Variants in RAB17 observed in about 807,000 individuals in gnomAD.
RAB17 encodes the protein ras-related protein Rab-17.
In RAB17, 15 loss-of-function variants were observed where a neutral mutation model predicts 19.3. The observed-to-expected ratio is 0.78, with a 90% confidence interval of 0.52 to 1.20. RAB17 has a LOEUF of 1.20. RAB17 is among the 50% of genes most tolerant of loss of function. The pLI, the probability that RAB17 is intolerant of heterozygous loss-of-function variation, is 0.00. For missense variants in RAB17, 262 were observed against 269.3 expected (o/e 0.97, Z 0.19); for synonymous variants, 110 against 112.8 (o/e 0.97, Z 0.16).
intron 3 of RAB17, 138 bp from the exon 4 acceptor site, chr2:237,577,520 G>C: frequency 2.0e-6 from 2 of 1,005,564 alleles, no homozygotes; most frequent in Non-Finnish European, 1.4e-6. Context: ...GCACCTGCAG[G>C]GCTGCTCCGT....
chr2:237,574,426 ACT>A lies in RAB17; in HGVS notation c.*591_*592del, dbSNP rs1269412888. The A allele has an allele frequency of 1.3e-5, 20 of 1,548,452 alleles. No homozygotes were observed. The highest frequency in any genetic ancestry group is 1.7e-5 in the Non-Finnish European group (20 of 1,145,636). ...GAATCTTCCTGCTCATTGGACAGAA[ACT>A]CAGCTTCACCACATTGCCAGCCGGG... On this transcript the variant is annotated 3_prime_UTR_variant, in exon 6 of 6. Transcript: ENST00000264601.
At position 237,582,917 on chromosome 2, in the gene RAB17, G is replaced by A. The variant is rs563330724; in HGVS notation, c.157+3081C>T. On this transcript the variant is annotated intron_variant, in intron 2 of 5. Coordinates refer to ENST00000264601, the MANE Select transcript of RAB17 (RefSeq NM_022449.4). ...AGGTCAGGAGTTCAAAACCAGCCTG[G>A]CCAACATGGTGAAACTCCGTCTCTA... 7.9e-5 allele frequency among the ~76,000 whole-genome samples: 12 copies of A among 152,308 alleles called. No individual in the cohort carries two copies. In the East Asian group the frequency reaches 2.1e-3, roughly 27 times the overall value.
intron 3 of RAB17, 88 bp downstream of exon 3, chr2:237,577,916 T>G (rs960715757): frequency 1.2e-5 from 17 of 1,434,870 alleles, no homozygotes; most frequent in Non-Finnish European, 1.6e-5. Flanking sequence ...CTGTTCCTTG[T>G]GATTACGCCA....
chr2:237,577,374 G>A lies in RAB17; in HGVS notation c.318C>T (p.Phe106=), dbSNP rs765174702. The stretch of plus-strand genomic sequence containing the variant: ...CCTTCAGCCACTGCTGAGCCTTGAG[G>A]AAGGAATCCTAGAAAAGAAGAAAAA... ...LVYDITRKDS[F]LKAQQWLKDL... is the part of the protein sequence containing the mutation. The change falls in exon 4 of 6, where the codon TTC becomes TTT. Residue 106 remains phenylalanine, a synonymous_variant. Coordinates refer to ENST00000264601, the MANE Select transcript of RAB17 (RefSeq NM_022449.4). 243 of 1,602,626 alleles carry A rather than the reference G, an allele frequency of 1.5e-4. No individual in the cohort carries two copies. Among genetic ancestry groups the A allele is most frequent in the Non-Finnish European group, 2.0e-4 (235 of 1,173,878 alleles).
At chr2:237,580,455 TG>T (rs1173377543) in intron 2 of RAB17, among the ~76,000 whole-genome samples, 1 of 152,222 alleles carries the variant, frequency 6.6e-6, no homozygotes, top group Non-Finnish European at 1.5e-5. Flanking sequence ...AAATGATGGC[TG>T]GAGGCTGGGC....
Position 237,574,534 on chromosome 2 carries a change from C to T in RAB17, c.*485G>A. On this transcript the variant is annotated 3_prime_UTR_variant, in exon 6 of 6. Coordinates refer to ENST00000264601, the MANE Select transcript of RAB17 (RefSeq NM_022449.4). The stretch of plus-strand genomic sequence containing the variant: ...TTCACCAAGATGTGGAAATCCTGGG[C>T]CCACCCCACAGTCAGTCATCGCTCC... The T allele has an allele frequency of 6.4e-7, 1 of 1,550,440 alleles. No homozygotes were observed. The highest frequency in any genetic ancestry group is 8.7e-7 in the Non-Finnish European group (1 of 1,146,902).
chr2:237,590,067 C>G (rs1159239294), intron 1 of RAB17, among the ~76,000 whole-genome samples: 1 of 151,970 alleles, frequency 6.6e-6, no homozygotes, highest in Non-Finnish European at 1.5e-5. Context: ...GAAAACCTGA[C>G]AAGCTTCCTA....
chr2:237,580,383 A>G (rs1046230071), intron 2 of RAB17, among the ~76,000 whole-genome samples: 1 of 152,190 alleles, frequency 6.6e-6, no homozygotes, highest in Non-Finnish European at 1.5e-5. Flanking sequence ...TGAGCATAAA[A>G]TTCAGGTTTT....
chr2:237,574,767 C>T lies in RAB17; in HGVS notation c.*252G>A. On this transcript the variant is annotated 3_prime_UTR_variant, in exon 6 of 6. Transcript: ENST00000264601. ...GGGGCCACCGTCCAGGTGGAACAGG[C>T]ACAGGCATCGGGGAATCAGATGGTA... The T allele has an allele frequency of 8.4e-7, 1 of 1,185,520 alleles. No homozygotes were observed. Among genetic ancestry groups the T allele is most frequent in the East Asian group, 2.7e-5 (1 of 37,180 alleles). The allele number at this position is 1,185,520 out of a possible 1,614,324, so 73.4% of individuals were successfully genotyped here. A position where few individuals can be genotyped will look rare whatever the true frequency, so the allele number is the denominator to read the frequency against.
intron 2 of RAB17, among the ~76,000 whole-genome samples, chr2:237,579,988 G>A (rs373264859): frequency 2.6e-5 from 4 of 152,206 alleles, no homozygotes; most frequent in African/African-American, 7.2e-5. Context: ...GGCAACTGTC[G>A]GGACTGAACC....
At chr2:237,583,034 A>G (rs2081320045) in intron 2 of RAB17, among the ~76,000 whole-genome samples, 1 of 152,236 alleles carries the variant, frequency 6.6e-6, no homozygotes. Context: ...CCCAGGAGGC[A>G]GAGGATGCAA....
chr2:237,581,358 A>G (rs2081307209), intron 2 of RAB17, among the ~76,000 whole-genome samples: 1 of 151,358 alleles, frequency 6.6e-6, no homozygotes, highest in Non-Finnish European at 1.5e-5. Flanking sequence ...TGGGCAACAG[A>G]ATGAGACGCC....
At chr2:237,575,341 G>A in intron 5 of RAB17, 46 bp downstream of exon 5, 1 of 1,492,004 alleles carries the variant, frequency 6.7e-7, no homozygotes, top group African/African-American at 1.4e-5. Flanking sequence ...AAGTTGGTCA[G>A]GGACAAGCAC....
intron 4 of RAB17, 92 bp downstream of exon 4, chr2:237,577,165 G>A (rs183133911): frequency 1.1e-4 from 159 of 1,464,544 alleles, no homozygotes; most frequent in South Asian, 4.9e-4. Flanking sequence ...GTGGGTGTGC[G>A]TGTATGAAAG....
At chr2:237,581,895 C>A (rs959937108) in intron 2 of RAB17, among the ~76,000 whole-genome samples, 1 of 152,254 alleles carries the variant, frequency 6.6e-6, no homozygotes, top group Admixed American at 6.5e-5. Flanking sequence ...CTAGATGTCA[C>A]CATCCTTCCA....
Position 237,586,119 on chromosome 2 carries a change from A to G in RAB17, c.36T>C (p.Ala12=). ...TGAACACACGGGGCTGGCTGGGGGC[A>G]GCCCTGGGCTGGGGGGTCCTGTGTG... ...AQAHRTPQPR[A]APSQPRVFKL... The change falls in exon 2 of 6, where the codon GCT becomes GCC. Residue 12 remains alanine (A), a synonymous_variant. Coordinates refer to ENST00000264601, the MANE Select transcript of RAB17 (RefSeq NM_022449.4). The G allele has an allele frequency of 6.2e-7, 1 of 1,611,070 alleles. No individual in the cohort carries two copies. The highest frequency in any genetic ancestry group is 8.5e-7 in the Non-Finnish European group (1 of 1,178,710).
chr2:237,580,834 A>T (rs1376174058), intron 2 of RAB17, among the ~76,000 whole-genome samples: 1 of 152,160 alleles, frequency 6.6e-6, no homozygotes, highest in East Asian at 1.9e-4. Context: ...ATTTCCAAGG[A>T]GGGCATGGGT....
chr2:237,588,980 GA>G (rs199922490), intron 1 of RAB17, among the ~76,000 whole-genome samples: 3,262 of 152,328 alleles, frequency 0.021, 82 homozygotes, highest in Non-Finnish European at 0.025. Flanking sequence ...GGCACTTTGA[GA>G]AGACGAGGCA....
At chr2:237,581,812 G>A (rs956422301) in intron 2 of RAB17, among the ~76,000 whole-genome samples, 5 of 152,234 alleles carry the variant, frequency 3.3e-5, no homozygotes, top group Non-Finnish European at 7.3e-5. Context: ...GTTTGTCACC[G>A]TCCCCTTCCT....
Sources: gnomAD v4.1 joint callset for allele counts (sites outside exome capture counted in the v4.1 genomes callset) on GRCh38, gnomAD v4.1.1 for gene constraint, MANE v1.5 for transcripts, NCBI Gene and HGNC (gene_info 2026-07-23, HGNC 2026-07-21) for gene names.